The following PCDH10 variants were observed in gnomAD, a reference collection of about 807,000 sequenced individuals.
The protein encoded by PCDH10 is protocadherin 10, also known as protocadherin-10.
Under a neutral mutation model 74.4 loss-of-function variants are expected in PCDH10, and 15 were observed. That is an observed-to-expected ratio of 0.20 (90% CI 0.13 to 0.31). The LOEUF (loss-of-function observed/expected upper bound fraction) is 0.31, where lower values mean the gene tolerates loss of function less well. Among genes scored for constraint, PCDH10 ranks in the 10% least tolerant of loss-of-function variants. The pLI, the probability that PCDH10 is intolerant of heterozygous loss-of-function variation, is 1.00. For missense variants in PCDH10, 1,260 were observed against 1,390.2 expected, an observed-to-expected ratio of 0.91 and a Z score of 1.49; for synonymous variants, 619 against 589.8, an observed-to-expected ratio of 1.05 and a Z score of -0.72.
At chr4:133,195,065 G>A (rs528871129), downstream of PCDH10, among the ~76,000 whole-genome samples, 34 of 151,988 alleles carry the variant, frequency 2.2e-4, no homozygotes, top group African/African-American at 8.2e-4. Flanking sequence ...AAAGTTGATA[G>A]AAATGTAAGG....
At chr4:133,160,608 A>C (rs1227393533) in intron 3 of PCDH10, among the ~76,000 whole-genome samples, 6 of 150,370 alleles carry the variant, frequency 4.0e-5, no homozygotes, top group Non-Finnish European at 8.9e-5. Flanking sequence ...AAAATCAAGC[A>C]GTATCCTAAT....
At position 133,191,571 on chromosome 4, in the gene PCDH10, A is replaced by C. The variant is rs1578578211; in HGVS notation, c.*1411A>C. On this transcript the variant is annotated 3_prime_UTR_variant, in exon 5 of 5. Transcript: ENST00000264360. The stretch of plus-strand genomic sequence containing the variant: ...ACAATATTAATTATTAAATTTAGTA[A>C]GACGCACTTTCCTTTCTTTTATATA... 6.6e-6 allele frequency: 1 copy of C among 152,110 alleles called. No homozygotes were observed. The highest frequency in any genetic ancestry group is 6.6e-5 in the Admixed American group (1 of 15,164). The allele number at this position is 152,110 out of a possible 1,614,324, so 9.4% of individuals were successfully genotyped here. A position where few individuals can be genotyped will look rare whatever the true frequency, so the allele number is the denominator to read the frequency against.
At chr4:133,183,312 G>GTTTCAAATTACTGTTTCAAAA (rs1727459883) in intron 4 of PCDH10, among the ~76,000 whole-genome samples, 1 of 151,882 alleles carries the variant, frequency 6.6e-6, no homozygotes, top group South Asian at 2.1e-4. Flanking sequence ...TAAATGTACT[G>GTTTCAAATTACTGTTTCAAAA]TTACCTTATG....
chr4:133,199,796 T>C (rs1004141017), intron 2 of PCDH10, among the ~76,000 whole-genome samples: 11 of 145,112 alleles, frequency 7.6e-5, no homozygotes, highest in African/African-American at 2.9e-4. Context: ...ACTATTATTA[T>C]TATTATTATT....
At chr4:133,154,520 T>C (rs1404032619) in intron 2 of PCDH10, among the ~76,000 whole-genome samples, 155 bp downstream of exon 2, 1 of 152,188 alleles carries the variant, frequency 6.6e-6, no homozygotes, top group Non-Finnish European at 1.5e-5. Flanking sequence ...TCCTAGACAA[T>C]ACATTAAAAA....
rs1419451860 is a variant in PCDH10, at chr4:133,194,562, T to G, written c.*4402T>G. The G allele has an allele frequency of 6.6e-6, 1 of 151,924 alleles. No individual in the cohort carries two copies. Among genetic ancestry groups the G allele is most frequent in the Non-Finnish European group, 1.5e-5 (1 of 67,858 alleles). The allele number at this position is 151,924 out of a possible 1,614,324, so 9.4% of individuals were successfully genotyped here. A position where few individuals can be genotyped will look rare whatever the true frequency, so the allele number is the denominator to read the frequency against. On this transcript the variant is annotated 3_prime_UTR_variant, in exon 5 of 5. Coordinates refer to ENST00000264360, the MANE Select transcript of PCDH10 (RefSeq NM_032961.3). ...AATGAGTGTAAATGTAATAAATTATTTTATACTGCTGTATACATATGAAAT... is the reference window on the plus strand; with the variant it reads ...AATGAGTGTAAATGTAATAAATTATGTTATACTGCTGTATACATATGAAAT...
intron 4 of PCDH10, among the ~76,000 whole-genome samples, chr4:133,184,037 ATAAAT>A (rs954628837): frequency 1.3e-5 from 2 of 152,144 alleles, no homozygotes. Flanking sequence ...CAATATACAC[ATAAAT>A]TAAAATAAAA....
intron 2 of PCDH10, among the ~76,000 whole-genome samples, chr4:133,205,195 C>G (rs1050306029): frequency 6.6e-6 from 1 of 151,918 alleles, no homozygotes; most frequent in Non-Finnish European, 1.5e-5. Flanking sequence ...GACGCCAACA[C>G]ATAACAATGG....
Position 133,194,554 on chromosome 4 carries a change from T to C in PCDH10, c.*4394T>C, listed in dbSNP as rs1727752830. On this transcript the variant is annotated 3_prime_UTR_variant, in exon 5 of 5. Coordinates refer to ENST00000264360, the MANE Select transcript of PCDH10 (RefSeq NM_032961.3). ...ATAAGTAAAATGAGTGTAAATGTAA[T>C]AAATTATTTTATACTGCTGTATACA... 1 of 151,910 alleles carries C rather than the reference T, an allele frequency of 6.6e-6. No individual in the cohort carries two copies. The highest frequency in any genetic ancestry group is 1.5e-5 in the Non-Finnish European group (1 of 67,848). 9.4% of individuals were successfully genotyped at this position (151,910 alleles called of 1,614,324 possible).
In PCDH10 at chr4:133,151,102, G is replaced by T. The variant is rs1334273942; in HGVS notation, c.962G>T (p.Ser321Ile). 2 of 1,614,120 alleles carry T rather than the reference G, an allele frequency of 1.2e-6. No homozygotes were observed. Among genetic ancestry groups the T allele is most frequent in the Non-Finnish European group, 1.7e-6 (2 of 1,180,022 alleles). The change falls in exon 1 of 5, where the codon AGC (serine) becomes ATC (isoleucine). Residue 321 changes from serine to isoleucine, a missense_variant. This residue lies in a region of PCDH10 where 192 missense variants were observed against 161.2 expected (regional missense o/e 1.19). Coordinates refer to ENST00000264360, the MANE Select transcript of PCDH10 (RefSeq NM_032961.3). ...EVSGELDYEE[S>I]PVYQVYVQAK... The stretch of plus-strand genomic sequence containing the variant: ...AGCGGCGAGTTGGACTATGAAGAGA[G>T]CCCAGTGTACCAAGTGTACGTGCAA...
At chr4:133,164,750 T>A (rs1199400805) in intron 4 of PCDH10, among the ~76,000 whole-genome samples, 1 of 151,326 alleles carries the variant, frequency 6.6e-6, no homozygotes, top group African/African-American at 2.4e-5. Flanking sequence ...ATGGAAACAA[T>A]TTTTATTATT....
intron 4 of PCDH10, among the ~76,000 whole-genome samples, chr4:133,185,359 A>G (rs1455574201): frequency 6.6e-6 from 1 of 151,960 alleles, no homozygotes; most frequent in Non-Finnish European, 1.5e-5. Flanking sequence ...AATAGTTAAC[A>G]CTACTGTGCT....
intron 4 of PCDH10, among the ~76,000 whole-genome samples, chr4:133,187,524 A>G (rs1042959727): frequency 4.6e-5 from 7 of 151,928 alleles, no homozygotes; most frequent in Non-Finnish European, 7.4e-5. Flanking sequence ...ATTAATTCTG[A>G]CCTTCGGAAC....
chr4:133,159,322 T>C (rs1251541612), intron 3 of PCDH10, among the ~76,000 whole-genome samples: 2 of 152,074 alleles, frequency 1.3e-5, no homozygotes, highest in Non-Finnish European at 2.9e-5. Context: ...TTGAAAACCA[T>C]GTACTTTAAA....
At chr4:133,177,302 T>G (rs1206671980) in intron 4 of PCDH10, among the ~76,000 whole-genome samples, 1 of 152,168 alleles carries the variant, frequency 6.6e-6, no homozygotes, top group African/African-American at 2.4e-5. Flanking sequence ...CTAATAAACC[T>G]GATTCTCACA....
Position 133,150,612 on chromosome 4 carries a change from G to A in PCDH10, c.472G>A (p.Asp158Asn). 1 of 1,613,454 alleles carries A rather than the reference G, an allele frequency of 6.2e-7. No homozygotes were observed. The highest frequency in any genetic ancestry group is 8.5e-7 in the Non-Finnish European group (1 of 1,179,990). The part of the protein sequence containing the change: ...DPDVGTNSLR[D>N]YEITPNSYFS... ...AGACGTGGGCACCAACTCCTTGCGC[G>A]ACTACGAGATCACCCCCAACAGCTA... Residue 158 changes from aspartate (D) to asparagine (N), a missense_variant, in exon 1 of 5, where the codon GAC becomes AAC. Physicochemically the swap from Asp to Asn is conservative, Grantham distance 23 (BLOSUM62 1). Transcript: ENST00000264360.
intron 4 of PCDH10, among the ~76,000 whole-genome samples, chr4:133,188,582 A>G (rs1727588969): frequency 1.3e-5 from 2 of 151,662 alleles, no homozygotes; most frequent in Non-Finnish European, 2.9e-5. Context: ...ATTACTTTCA[A>G]TACTAGTTAT....
chr4:133,178,060 A>C (rs966581437), intron 4 of PCDH10, among the ~76,000 whole-genome samples: 5 of 152,168 alleles, frequency 3.3e-5, no homozygotes. Context: ...GGAGAAGTAA[A>C]TATTCTAGCT....
At chr4:133,206,767 T>G (rs535702342) in intron 2 of PCDH10, among the ~76,000 whole-genome samples, 82 of 152,242 alleles carry the variant, frequency 5.4e-4, no homozygotes, top group African/African-American at 2.0e-3. Context: ...TCTCTGTAAA[T>G]GGGAGCTTGA....
Sources: allele counts gnomAD v4.1 joint callset (sites outside exome capture counted in the v4.1 genomes callset), GRCh38; gene constraint gnomAD v4.1.1; regional missense constraint gnomAD v4.1.1; transcripts MANE v1.5; gene names NCBI Gene and HGNC (gene_info 2026-07-23, HGNC 2026-07-21).